PKD1L1: variants seen among roughly 807,000 people sequenced by gnomAD.
The protein encoded by PKD1L1 is polycystin 1 like 1, transient receptor potential channel interacting, also known as polycystin-1-like protein 1.
PKD1L1 carries 236 observed loss-of-function variants against 323.4 expected under a neutral mutation model. That is an observed-to-expected ratio of 0.73 (90% confidence interval 0.66 to 0.81). PKD1L1 has a LOEUF of 0.81. Ranked by LOEUF, PKD1L1 falls within the 40% of genes least tolerant of loss-of-function variation. PKD1L1 has a pLI of 0.00. For synonymous variants in PKD1L1, 1,344 were observed against 1,335.0 expected (o/e 1.01, Z -0.15); for missense variants, 3,320 against 3,508.0 (o/e 0.95, Z 1.35).
chr7:47,900,068 A>C (rs1373908536), intron 13 of PKD1L1, among the ~76,000 whole-genome samples: 1 of 151,970 alleles, frequency 6.6e-6, no homozygotes, highest in African/African-American at 2.4e-5. Context: ...TCTTTAGGTG[A>C]CTTTAGTTAT....
chr7:47,800,903 C>T (rs978343558), intron 53 of PKD1L1, 24 bp from the exon 54 acceptor site: 1 of 1,596,850 alleles, frequency 6.3e-7, no homozygotes. Context: ...ATCCAGAGAG[C>T]ACTGACCTTG....
chr7:47,822,352 A>G (rs1354118752), intron 45 of PKD1L1, among the ~76,000 whole-genome samples: 2 of 152,046 alleles, frequency 1.3e-5, no homozygotes, highest in African/African-American at 2.4e-5. Flanking sequence ...GCACTTTGGG[A>G]GGCCAAGGCA....
intron 53 of PKD1L1, 41 bp from the exon 54 acceptor site, chr7:47,800,920 C>T: frequency 6.5e-7 from 1 of 1,544,052 alleles, no homozygotes; most frequent in Non-Finnish European, 8.9e-7. Context: ...CTTGTCACCT[C>T]TTCTTAGGAG....
intron 4 of PKD1L1, among the ~76,000 whole-genome samples, chr7:47,932,818 T>C (rs1273102455): frequency 6.6e-6 from 1 of 152,214 alleles, no homozygotes; most frequent in African/African-American, 2.4e-5. Context: ...TAATCATGCA[T>C]GAGAAAAATC....
At chr7:47,873,120 G>A (rs1199258853) in intron 24 of PKD1L1, among the ~76,000 whole-genome samples, 1 of 152,132 alleles carries the variant, frequency 6.6e-6, no homozygotes, top group African/African-American at 2.4e-5. Flanking sequence ...CAGCAAACCT[G>A]TAGATATTAA....
chr7:47,864,637 C>CTTT (rs1562964112), intron 26 of PKD1L1, among the ~76,000 whole-genome samples: 2 of 52,770 alleles, frequency 3.8e-5, no homozygotes, highest in African/African-American at 1.1e-4. Context: ...TCTTTCTTTC[C>CTTT]TTCCTTCCTT....
chr7:47,960,692 T>TAA, the PKD1L1 span, among the ~76,000 whole-genome samples: 454 of 134,398 alleles, frequency 3.4e-3, 1 homozygote, highest in African/African-American at 0.011. Flanking sequence ...TTTTTCTAAT[T>TAA]AAAAAAAAAA....
intron 23 of PKD1L1, among the ~76,000 whole-genome samples, chr7:47,874,412 C>G (rs1037980397): frequency 1.1e-4 from 16 of 152,162 alleles, no homozygotes; most frequent in African/African-American, 3.4e-4. Flanking sequence ...GGGCCACAGG[C>G]ACCGTCATAG....
rs1788131173 is a variant in PKD1L1, at chr7:47,947,821, G to T, written c.44+576C>A. 1.1e-4 allele frequency among the ~76,000 whole-genome samples: 17 copies of T among 152,062 alleles called. 1 individual carries two copies. In the South Asian group the frequency reaches 3.5e-3, roughly 32 times the overall value. On this transcript the variant is annotated intron_variant, in intron 1 of 56. Coordinates refer to ENST00000289672, the MANE Select transcript of PKD1L1 (RefSeq NM_138295.5). ...TCTCTACTAAAAATACAAAAAATTA[G>T]TCGGGCGTGGTGGTGGGCGCCTGTG... is the stretch of plus-strand genomic sequence containing the variant.
chr7:47,879,689 T>C, intron 21 of PKD1L1, among the ~76,000 whole-genome samples: 1 of 136,762 alleles, frequency 7.3e-6, no homozygotes, highest in African/African-American at 2.8e-5. Flanking sequence ...ATCCCAGCAC[T>C]TTGGGAGGCT....
chr7:47,869,731 C>A (rs1475465332), intron 24 of PKD1L1, among the ~76,000 whole-genome samples: 2 of 152,078 alleles, frequency 1.3e-5, no homozygotes, highest in Admixed American at 6.6e-5. Context: ...TAATATAAAT[C>A]AATTAGACCT....
chr7:47,811,983 A>T lies in PKD1L1; in HGVS notation c.7415T>A (p.Val2472Glu), dbSNP rs781337672. Residue 2472 changes from valine to glutamate, a missense_variant, in exon 50 of 57, where the codon GTG (valine) becomes GAG (glutamate). Physicochemically the swap from Val to Glu is moderately radical, Grantham distance 121. Transcript: ENST00000289672. ...GTTATAGAGAGTGAAGTGCACAGAC[A>T]CAGCCCTGGTGCTGCGGTCAATCCA... ...SMWIDRSTRA[V>E]SVHFTLYNPP... 1 of 1,595,588 alleles carries T rather than the reference A, an allele frequency of 6.3e-7. No individual in the cohort carries two copies. Among genetic ancestry groups the T allele is most frequent in the Non-Finnish European group, 8.5e-7 (1 of 1,171,066 alleles).
At chr7:47,812,132 C>T in intron 49 of PKD1L1, 81 bp from the exon 50 acceptor site, 1 of 1,188,156 alleles carries the variant, frequency 8.4e-7, no homozygotes, top group Non-Finnish European at 1.2e-6. Context: ...CTGCAGGTCC[C>T]ATGCTGGGAA....
In PKD1L1 at chr7:47,827,435, G is replaced by C. The variant is rs376529305; in HGVS notation, c.6769C>G (p.Arg2257Gly). 1.9e-6 allele frequency: 3 copies of C among 1,612,186 alleles called. No homozygotes were observed. Among genetic ancestry groups the C allele is most frequent in the Non-Finnish European group, 2.5e-6 (3 of 1,179,662 alleles). Residue 2257 changes from arginine to glycine, a missense_variant, in exon 45 of 57, where the codon CGC (arginine) becomes GGC (glycine). Coordinates refer to ENST00000289672, the MANE Select transcript of PKD1L1 (RefSeq NM_138295.5). ...GCCTTGGATGGTGGATGCGCCCAGC[G>C]CAGGTGGCGAGCTTGTTGTCGGGCA... ...LAARQQARHL[R>G]WAHPPSKAQL...
chr7:47,857,518 A>G (rs2128742232), intron 28 of PKD1L1, 87 bp downstream of exon 28: 1 of 1,158,662 alleles, frequency 8.6e-7, no homozygotes, highest in South Asian at 1.4e-5. Context: ...AAATATGCCA[A>G]CCTAGTTTCT....
intron 9 of PKD1L1, 94 bp from the exon 10 acceptor site, chr7:47,906,056 T>G: frequency 8.1e-7 from 1 of 1,241,422 alleles, no homozygotes; most frequent in Non-Finnish European, 1.1e-6. Context: ...ATTTTTAACT[T>G]TCCCCCTTTG....
At chr7:47,954,275 T>C in the PKD1L1 span, among the ~76,000 whole-genome samples, 1 of 152,114 alleles carries the variant, frequency 6.6e-6, no homozygotes, top group Admixed American at 6.5e-5. Context: ...AAAGCCAATT[T>C]TTGCTTGTTT....
At chr7:47,866,359 T>C in intron 25 of PKD1L1, 60 bp downstream of exon 25, 1 of 1,539,632 alleles carries the variant, frequency 6.5e-7, no homozygotes, top group South Asian at 1.2e-5. Context: ...CAGCCAGTCA[T>C]GAGCCCTGCC....
chr7:47,830,425 T>C (rs999595400), intron 42 of PKD1L1, among the ~76,000 whole-genome samples: 2 of 151,674 alleles, frequency 1.3e-5, no homozygotes, highest in African/African-American at 4.8e-5. Flanking sequence ...TGGGTTGGGG[T>C]ATAATAATAA....
Sources: gnomAD v4.1 joint callset for allele counts (sites outside exome capture counted in the v4.1 genomes callset) on GRCh38, gnomAD v4.1.1 for gene constraint, MANE v1.5 for transcripts, NCBI Gene and HGNC (gene_info 2026-07-23, HGNC 2026-07-21) for gene names.